Variants in SEPTIN3 observed in about 807,000 individuals in gnomAD.
The protein encoded by SEPTIN3 is neuronal-specific septin-3.
In SEPTIN3, 15 loss-of-function variants were observed where a neutral mutation model predicts 45.1. The observed-to-expected ratio is 0.33, with a 90% CI of 0.22 to 0.51. The LOEUF (loss-of-function observed/expected upper bound fraction) is 0.51. Ranked by LOEUF, SEPTIN3 falls within the 20% of genes least tolerant of loss-of-function variation. The pLI is 0.97. For missense variants in SEPTIN3, 289 were observed against 457.2 expected, an observed-to-expected ratio of 0.63 and a Z score of 3.35; for synonymous variants, 148 against 164.8, an observed-to-expected ratio of 0.90 and a Z score of 0.78.
intron 7 of SEPTIN3, among the ~76,000 whole-genome samples, chr22:41,990,153 G>C (rs2078282555): frequency 6.6e-6 from 1 of 151,506 alleles, no homozygotes; most frequent in Non-Finnish European, 1.5e-5. Context: ...CCATTCTCCT[G>C]CCTCAGCCTC....
rs902007344 is a variant in SEPTIN3, at chr22:41,972,285, G to A, written c.793G>A (p.Ala265Thr). 2.8e-5 allele frequency: 11 copies of A among 399,014 alleles called. No individual in the cohort carries two copies. Among genetic ancestry groups the A allele is most frequent in the African/African-American group, 4.1e-5 (2 of 48,644 alleles). The allele number at this position is 399,014 out of a possible 1,614,324, so 24.7% of individuals were successfully genotyped here. The change falls in exon 2 of 12, where the codon GCA becomes ACA. Residue 265 changes from alanine to threonine, a missense_variant. Transcript: ENST00000644076. ...NLTAMDTRTD[A>T]ARHLATMATN... ...GACTGCTATGGACACAAGGACAGAC[G>A]CAGCCAGACATTTAGCCACAATGGC...
chr22:41,991,188 G>C (rs1275069627), intron 7 of SEPTIN3, among the ~76,000 whole-genome samples: 1 of 152,196 alleles, frequency 6.6e-6, no homozygotes, highest in African/African-American at 2.4e-5. Context: ...CAGTCTCGGA[G>C]TAGGGGGAGC....
At chr22:41,974,152 A>AAAAAG (rs1169676694) in intron 2 of SEPTIN3, among the ~76,000 whole-genome samples, 120 of 151,620 alleles carry the variant, frequency 7.9e-4, no homozygotes, top group African/African-American at 2.8e-3. Flanking sequence ...AAAAAAAAAA[A>AAAAAG]AAAAGAAAAG....
At chr22:41,977,665 G>A (rs368156047) in intron 2 of SEPTIN3, among the ~76,000 whole-genome samples, 5 of 151,792 alleles carry the variant, frequency 3.3e-5, no homozygotes, top group South Asian at 2.1e-4. Context: ...TGAAGGCTGC[G>A]GGGGGCTGAG....
In SEPTIN3 at chr22:41,994,806, C is replaced by G. The variant is rs1308197238; in HGVS notation, c.2505+92C>G. ...CATACCCACTTCACACACACACATC[C>G]CAAATACCACCACCAACCACCTTCT... On this transcript the variant is annotated intron_variant, in intron 11 of 11. Transcript: ENST00000644076. The surrounding 1 kb of genome is among the most constrained non-coding windows in gnomAD (Gnocchi z 4.2). 4 of 1,609,688 alleles carry G rather than the reference C, an allele frequency of 2.5e-6. No individual in the cohort carries two copies. Among genetic ancestry groups the G allele is most frequent in the Non-Finnish European group, 3.4e-6 (4 of 1,178,282 alleles).
rs1602421729 is a variant in SEPTIN3, at chr22:41,991,803, T to C, written c.2259+135T>C. ...TGCCTGACCCAGACCAGAAGTGACA[T>C]AGGGGGATGGGGAGGACTATGGCCC... On this transcript the variant is annotated intron_variant, in intron 8 of 11. Transcript: ENST00000644076. 8 of 699,314 alleles carry C rather than the reference T, an allele frequency of 1.1e-5. No homozygotes were observed. In the East Asian group the frequency reaches 1.6e-4, roughly 14 times the overall value. 43.3% of individuals were successfully genotyped at this position (699,314 alleles called of 1,614,324 possible). A position where few individuals can be genotyped will look rare whatever the true frequency, so the allele number is the denominator to read the frequency against.
intron 6 of SEPTIN3, among the ~76,000 whole-genome samples, chr22:41,988,178 G>A (rs1174954695): frequency 6.6e-6 from 1 of 152,192 alleles, no homozygotes; most frequent in African/African-American, 2.4e-5. Flanking sequence ...TGGGGCTGGT[G>A]TTTGGAGGGT....
chr22:41,977,035 C>T (rs1412602235), intron 2 of SEPTIN3: 4 of 1,599,046 alleles, frequency 2.5e-6, no homozygotes, highest in East Asian at 2.3e-5. Flanking sequence ...CGGAGCATCT[C>T]CCTGGAGGAA....
intron 11 of SEPTIN3, chr22:41,995,025 G>A (rs899690842): frequency 1.7e-5 from 21 of 1,226,880 alleles, no homozygotes; most frequent in Middle Eastern, 3.3e-4. Flanking sequence ...CTCCATGCCT[G>A]TCCATTATCT....
intron 3 of SEPTIN3, among the ~76,000 whole-genome samples, chr22:41,984,873 G>A (rs1230073723): frequency 2.7e-5 from 2 of 73,930 alleles, no homozygotes; most frequent in African/African-American, 9.8e-5. Flanking sequence ...TTTTTTTTGA[G>A]ACGGAGTCTC....
In SEPTIN3 at chr22:41,976,666, G is replaced by A. The variant is rs2078025391; in HGVS notation, c.1504+3670G>A. On this transcript the variant is annotated intron_variant, in intron 2 of 11. Transcript: ENST00000644076. The surrounding 1 kb of genome is among the most constrained non-coding windows in gnomAD (Gnocchi z 5.8). The stretch of plus-strand genomic sequence containing the variant: ...TCCGGGCCTGGCACCTGGAGCCCGC[G>A]GGGGCGGCTCCTGGACCGCCCGCAG... The A allele has an allele frequency of 6.6e-6, 1 of 152,470 alleles. No individual in the cohort carries two copies. Among genetic ancestry groups the A allele is most frequent in the African/African-American group, 2.4e-5 (1 of 41,408 alleles). 9.4% of individuals were successfully genotyped at this position (152,470 alleles called of 1,614,324 possible). A position where few individuals can be genotyped will look rare whatever the true frequency, so the allele number is the denominator to read the frequency against.
At chr22:41,995,576 T>C (rs1456081214) in intron 11 of SEPTIN3, 1 of 985,350 alleles carries the variant, frequency 1.0e-6, no homozygotes, top group African/African-American at 1.7e-5. Flanking sequence ...CACTTCCTTT[T>C]AGATGAATCT....
At chr22:41,991,526 C>T (rs1161992524) in intron 7 of SEPTIN3, 47 bp from the exon 8 acceptor site, 8 of 1,405,328 alleles carry the variant, frequency 5.7e-6, no homozygotes, top group Non-Finnish European at 8.1e-6. Flanking sequence ...CCCCTCTTTT[C>T]CATTACCCTG....
At chr22:41,973,279 T>C (rs866794850) in intron 2 of SEPTIN3, among the ~76,000 whole-genome samples, 55 of 152,052 alleles carry the variant, frequency 3.6e-4, no homozygotes, top group African/African-American at 1.2e-3. Flanking sequence ...CCCAGCACTC[T>C]GGGAGGCTGA....
intron 2 of SEPTIN3, among the ~76,000 whole-genome samples, chr22:41,980,983 G>C (rs2078111336): frequency 6.6e-6 from 1 of 152,150 alleles, no homozygotes; most frequent in Admixed American, 6.5e-5. Flanking sequence ...TGGGAGACGA[G>C]AGTGATAGCC....
chr22:41,973,376 G>A (rs1055192574), intron 2 of SEPTIN3, among the ~76,000 whole-genome samples: 10 of 152,068 alleles, frequency 6.6e-5, no homozygotes, highest in Admixed American at 5.2e-4. Flanking sequence ...AAAATAAGGG[G>A]CTGGGCACGG....
intron 2 of SEPTIN3, among the ~76,000 whole-genome samples, chr22:41,978,132 TCTA>T (rs1443131406): frequency 6.6e-6 from 1 of 152,194 alleles, no homozygotes; most frequent in African/African-American, 2.4e-5. Flanking sequence ...TCTCAACAAT[TCTA>T]CTCCCTTGAC....
rs1271424880 is a variant in SEPTIN3, at chr22:41,998,067, C to G, written c.*1100C>G. On this transcript the variant is annotated 3_prime_UTR_variant, in exon 12 of 12. Transcript: ENST00000644076. Reference sequence around the variant, plus strand: ...CACGCCTAGGGGATGCAAGAACAACCCGTTTCTTAAATGTTACCAGTCCCA... The same window carrying G: ...CACGCCTAGGGGATGCAAGAACAACGCGTTTCTTAAATGTTACCAGTCCCA... 6.6e-6 allele frequency: 1 copy of G among 152,642 alleles called. No homozygotes were observed. Among genetic ancestry groups the G allele is most frequent in the Non-Finnish European group, 1.5e-5 (1 of 68,038 alleles). 9.5% of individuals were successfully genotyped at this position (152,642 alleles called of 1,614,324 possible).
chr22:41,975,187 C>T (rs568902229), intron 2 of SEPTIN3, among the ~76,000 whole-genome samples: 1 of 152,248 alleles, frequency 6.6e-6, no homozygotes, highest in East Asian at 1.9e-4. Flanking sequence ...AAGGGCTGGA[C>T]ATTCATTTGG....
Sources: gnomAD v4.1 joint callset for allele counts (sites outside exome capture counted in the v4.1 genomes callset) on GRCh38, gnomAD v4.1.1 for gene constraint, Gnocchi (gnomAD v3.1) non-coding constraint, MANE v1.5 for transcripts, NCBI Gene and HGNC (gene_info 2026-07-23, HGNC 2026-07-21) for gene names.